Variants in CPA6 observed in about 807,000 individuals in gnomAD.
CPA6 encodes carboxypeptidase A6.
In CPA6, 58 loss-of-function variants were observed where a neutral mutation model predicts 63.3. That is an observed-to-expected ratio of 0.92 (90% CI 0.74 to 1.14). The LOEUF (loss-of-function observed/expected upper bound fraction) is 1.14. Ranked by LOEUF, CPA6 falls within the 50% of genes most tolerant of loss-of-function variation. The pLI, the probability that CPA6 is intolerant of heterozygous loss-of-function variation, is 0.00. For missense variants in CPA6, 565 were observed against 526.6 expected (o/e 1.07, Z -0.71); for synonymous variants, 185 against 179.0 (o/e 1.03, Z -0.27).
At chr8:67,488,345 C>G (rs983428657) in intron 6 of CPA6, among the ~76,000 whole-genome samples, 1 of 152,122 alleles carries the variant, frequency 6.6e-6, no homozygotes, top group Non-Finnish European at 1.5e-5. Flanking sequence ...TCAGGTTTGT[C>G]AAAGATCAGA....
chr8:67,484,556 T>C (rs946762220), intron 7 of CPA6, 123 bp downstream of exon 7: 1 of 555,066 alleles, frequency 1.8e-6, no homozygotes, highest in Non-Finnish European at 3.3e-6. Flanking sequence ...AAGGCCTCTT[T>C]TGCATCTCTG....
intron 2 of CPA6, among the ~76,000 whole-genome samples, chr8:67,614,478 C>T (rs1189025079): frequency 6.6e-6 from 1 of 152,192 alleles, no homozygotes; most frequent in Non-Finnish European, 1.5e-5. Flanking sequence ...ACCAGATGGT[C>T]TGGATGCCAC....
intron 1 of CPA6, among the ~76,000 whole-genome samples, chr8:67,664,306 T>C (rs1225285431): frequency 6.6e-6 from 1 of 152,192 alleles, no homozygotes; most frequent in Non-Finnish European, 1.5e-5. Context: ...AGAGTGTAAT[T>C]GGAGACTTTC....
At chr8:67,739,494 A>T (rs1228485121) in intron 1 of CPA6, among the ~76,000 whole-genome samples, 3 of 152,212 alleles carry the variant, frequency 2.0e-5, no homozygotes, top group Admixed American at 2.0e-4. Flanking sequence ...AACCAAGGAC[A>T]TGTCCTTTGT....
chr8:67,477,826 A>C (rs112623496), intron 8 of CPA6, among the ~76,000 whole-genome samples: 1 of 152,204 alleles, frequency 6.6e-6, no homozygotes, highest in African/African-American at 2.4e-5. Flanking sequence ...AATGTGGATT[A>C]GTTCTTTCCC....
At position 67,422,854 on chromosome 8, in the gene CPA6, G is replaced by C. The variant is rs79526414; in HGVS notation, c.1127-163C>G. Among the ~76,000 whole-genome samples the C allele has an allele frequency of 9.3e-3, 1,416 of 152,188 alleles. 16 individuals carry two copies. Among genetic ancestry groups the C allele is most frequent in the African/African-American group, 0.032 (1,334 of 41,504 alleles). ...TTTAACAGGAGTTCCTTGGCATCTG[G>C]TGCATGGAACTTATAAATCATCCCT... On this transcript the variant is annotated intron_variant, in intron 10 of 10. Transcript: ENST00000297770.
chr8:67,562,974 T>C (rs1813250133), intron 2 of CPA6, among the ~76,000 whole-genome samples: 2 of 152,210 alleles, frequency 1.3e-5, no homozygotes, highest in South Asian at 2.1e-4. Context: ...CTGTTTTCTC[T>C]GTATACGTTT....
At chr8:67,440,074 C>T (rs915475381) in intron 8 of CPA6, among the ~76,000 whole-genome samples, 1 of 152,058 alleles carries the variant, frequency 6.6e-6, no homozygotes. Flanking sequence ...ACAAACTAAG[C>T]CACTTAAAAT....
chr8:67,466,896 C>G (rs774814448), intron 8 of CPA6, among the ~76,000 whole-genome samples: 1 of 152,014 alleles, frequency 6.6e-6, no homozygotes. Context: ...ATATCTGTCA[C>G]GTATAAATAT....
At chr8:67,530,047 A>T (rs1007492816) in intron 2 of CPA6, among the ~76,000 whole-genome samples, 1 of 152,236 alleles carries the variant, frequency 6.6e-6, no homozygotes, top group African/African-American at 2.4e-5. Flanking sequence ...AATAAGTGCA[A>T]TTGATGTTTC....
intron 8 of CPA6, among the ~76,000 whole-genome samples, chr8:67,435,512 C>T (rs890592101): frequency 4.5e-4 from 69 of 152,246 alleles, no homozygotes; most frequent in Admixed American, 2.0e-3. Context: ...ACGGCAGGTG[C>T]GGGGAGGCTC....
At chr8:67,623,787 C>T (rs1279385376) in intron 2 of CPA6, among the ~76,000 whole-genome samples, 1 of 151,694 alleles carries the variant, frequency 6.6e-6, no homozygotes. Flanking sequence ...TGGCTGGGCA[C>T]GGTGGCTCAT....
At chr8:67,587,565 C>T (rs1459792802) in intron 2 of CPA6, among the ~76,000 whole-genome samples, 11 of 152,008 alleles carry the variant, frequency 7.2e-5, no homozygotes, top group Admixed American at 1.3e-4. Flanking sequence ...GGTAATGTCA[C>T]GTCATCATTG....
chr8:67,642,539 C>T (rs1226141122), intron 1 of CPA6, among the ~76,000 whole-genome samples: 1 of 151,942 alleles, frequency 6.6e-6, no homozygotes, highest in Non-Finnish European at 1.5e-5. Flanking sequence ...ACAGGCAACG[C>T]ACTTGTGAAG....
At position 67,717,210 on chromosome 8, in the gene CPA6, C is replaced by G. The variant is rs1817400589; in HGVS notation, c.116+28804G>C. 2.0e-5 allele frequency among the ~76,000 whole-genome samples: 3 copies of G among 152,130 alleles called. No individual in the cohort carries two copies. In the South Asian group the frequency reaches 6.2e-4, roughly 32 times the overall value. ...AGCCGGGACTTTGAAGCCAAGCACA[C>G]CGAGTTTGGATGTAATTGCCTGAAG... On this transcript the variant is annotated intron_variant, in intron 1 of 10. Transcript: ENST00000297770.
chr8:67,720,062 G>C (rs6990240), intron 1 of CPA6, among the ~76,000 whole-genome samples: 1,581 of 152,178 alleles, frequency 0.01, 26 homozygotes, highest in African/African-American at 0.036. Context: ...TCCGAAAAGA[G>C]AGTCAGCGAA....
intron 2 of CPA6, among the ~76,000 whole-genome samples, chr8:67,616,388 G>T (rs888201423): frequency 4.6e-5 from 7 of 152,116 alleles, no homozygotes; most frequent in African/African-American, 1.7e-4. Context: ...TGGGGAGGCT[G>T]GTGCAGTTCA....
At chr8:67,680,402 C>T (rs1191276555) in intron 1 of CPA6, among the ~76,000 whole-genome samples, 1 of 151,020 alleles carries the variant, frequency 6.6e-6, no homozygotes, top group East Asian at 2.0e-4. Flanking sequence ...ATTTAGGAGG[C>T]TGAGGTGGGA....
chr8:67,544,953 T>C (rs1199982245), intron 2 of CPA6, among the ~76,000 whole-genome samples: 1 of 152,136 alleles, frequency 6.6e-6, no homozygotes, highest in Non-Finnish European at 1.5e-5. Context: ...CATCAAAGAG[T>C]AGGCCAAATT....
Sources: allele counts gnomAD v4.1 joint callset (sites outside exome capture counted in the v4.1 genomes callset), GRCh38; gene constraint gnomAD v4.1.1; transcripts MANE v1.5; gene names NCBI Gene and HGNC (gene_info 2026-07-23, HGNC 2026-07-21).